TRHDE: variants seen among roughly 807,000 people sequenced by gnomAD.
TRHDE encodes the protein thyrotropin-releasing hormone-degrading ectoenzyme.
TRHDE carries 72 observed loss-of-function variants against 125.7 expected under a neutral mutation model. The observed-to-expected ratio is 0.57, with a 90% CI of 0.47 to 0.70. TRHDE has a LOEUF of 0.70. TRHDE is among the 30% of genes least tolerant of loss of function. TRHDE has a pLI of 0.00. For synonymous variants in TRHDE, 509 were observed against 509.1 expected, an observed-to-expected ratio of 1.00 and a Z score of 0.00; for missense variants, 1,110 against 1,327.1, an observed-to-expected ratio of 0.84 and a Z score of 2.54.
At chr12:72,410,286 T>C (rs1180504704) in intron 3 of TRHDE, among the ~76,000 whole-genome samples, 1 of 152,030 alleles carries the variant, frequency 6.6e-6, no homozygotes, top group Non-Finnish European at 1.5e-5. Context: ...GAACTCTGAG[T>C]TGAACTGGCT....
chr12:72,127,960 T>TG (rs1248385081), intron 2 of TRHDE, among the ~76,000 whole-genome samples: 1 of 151,918 alleles, frequency 6.6e-6, no homozygotes, highest in Non-Finnish European at 1.5e-5. Context: ...ACTGAGAATC[T>TG]GGGGGGACTA....
chr12:72,190,503 AT>A (rs1877316633), intron 2 of TRHDE, among the ~76,000 whole-genome samples: 5 of 152,236 alleles, frequency 3.3e-5, no homozygotes, highest in Admixed American at 2.6e-4. Context: ...GTACCAATTC[AT>A]GGAAAGAAGC....
intron 3 of TRHDE, among the ~76,000 whole-genome samples, chr12:72,404,765 A>G (rs1403283291): frequency 6.6e-6 from 1 of 152,182 alleles, no homozygotes; most frequent in African/African-American, 2.4e-5. Flanking sequence ...ACAATTCAAT[A>G]TGAGATTTGG....
chr12:72,369,268 G>A (rs1871468464), intron 2 of TRHDE, among the ~76,000 whole-genome samples: 1 of 152,126 alleles, frequency 6.6e-6, no homozygotes, highest in Non-Finnish European at 1.5e-5. Context: ...TTGCTATGAT[G>A]TATTACCACC....
At chr12:72,501,723 T>A (rs1042444620) in intron 6 of TRHDE, among the ~76,000 whole-genome samples, 1 of 152,220 alleles carries the variant, frequency 6.6e-6, no homozygotes, top group South Asian at 2.1e-4. Flanking sequence ...ATTATCTTTT[T>A]CAACTTTCTC....
At position 72,670,270 on chromosome 12, in the gene TRHDE, G is replaced by T. The variant is rs1245971541; in HGVS notation, c.*7075G>T. 6.6e-6 allele frequency: 1 copy of T among 151,680 alleles called. No individual in the cohort carries two copies. The highest frequency in any genetic ancestry group is 2.4e-5 in the African/African-American group (1 of 41,366). The allele number at this position is 151,680 out of a possible 1,614,324, so 9.4% of individuals were successfully genotyped here. ...TAAATAACCTTTTGTTAGTTTAGCA[G>T]ATAAATGTTTTCAATGTATGCCTTT... On this transcript the variant is annotated 3_prime_UTR_variant, in exon 19 of 19. Coordinates refer to ENST00000261180, the MANE Select transcript of TRHDE (RefSeq NM_013381.3).
intron 5 of TRHDE, 123 bp from the exon 6 acceptor site, chr12:72,499,375 G>T: frequency 7.9e-7 from 1 of 1,262,504 alleles, no homozygotes; most frequent in African/African-American, 1.5e-5. Flanking sequence ...CTTTAGAGTT[G>T]AGTCATGCCT....
At chr12:72,609,591 T>G (rs911074919) in intron 12 of TRHDE, among the ~76,000 whole-genome samples, 5 of 152,188 alleles carry the variant, frequency 3.3e-5, no homozygotes, top group Non-Finnish European at 5.9e-5. Flanking sequence ...AGGTTGTTTT[T>G]CAAACTTCAA....
chr12:72,475,404 T>C (rs908806460), intron 5 of TRHDE, among the ~76,000 whole-genome samples: 2 of 152,200 alleles, frequency 1.3e-5, no homozygotes, highest in African/African-American at 2.4e-5. Flanking sequence ...GATAAAATTC[T>C]TTCTATTCAC....
chr12:72,498,504 C>T (rs1174008672), intron 5 of TRHDE, among the ~76,000 whole-genome samples: 2 of 152,112 alleles, frequency 1.3e-5, no homozygotes, highest in Non-Finnish European at 2.9e-5. Context: ...TGTAATGATA[C>T]TCCTTAGGTC....
intron 3 of TRHDE, among the ~76,000 whole-genome samples, chr12:72,443,362 A>G (rs942020715): frequency 6.6e-6 from 1 of 151,744 alleles, no homozygotes; most frequent in Admixed American, 6.6e-5. Flanking sequence ...TGATTGAATT[A>G]GATGCTCTCT....
chr12:72,498,840 A>G (rs1212558318), intron 5 of TRHDE, among the ~76,000 whole-genome samples: 1 of 152,162 alleles, frequency 6.6e-6, no homozygotes, highest in Non-Finnish European at 1.5e-5. Context: ...ATTAATACCT[A>G]TTGATCTCTA....
At chr12:72,278,053 A>G (rs1439256038) in intron 1 of TRHDE, among the ~76,000 whole-genome samples, 1 of 152,022 alleles carries the variant, frequency 6.6e-6, no homozygotes, top group Non-Finnish European at 1.5e-5. Context: ...CCTTTTTTCT[A>G]AGTAATTATA....
intron 2 of TRHDE, among the ~76,000 whole-genome samples, chr12:72,214,182 T>C (rs1165847055): frequency 1.3e-5 from 2 of 152,086 alleles, no homozygotes; most frequent in Non-Finnish European, 2.9e-5. Flanking sequence ...GGCACGAAGG[T>C]CTCCTAAATT....
chr12:72,334,559 G>C (rs1207405512), intron 2 of TRHDE, among the ~76,000 whole-genome samples: 1 of 152,188 alleles, frequency 6.6e-6, no homozygotes, highest in Non-Finnish European at 1.5e-5. Flanking sequence ...ATGCCCAGCT[G>C]TCTGATCTGC....
chr12:72,250,837 G>GATAT (rs376713479), intron 2 of TRHDE, among the ~76,000 whole-genome samples: 5,226 of 117,838 alleles, frequency 0.044, 295 homozygotes, highest in African/African-American at 0.099. Context: ...ATGACTTACA[G>GATAT]ATATATATAT....
chr12:72,490,457 T>G (rs1413872741), intron 5 of TRHDE, among the ~76,000 whole-genome samples: 1 of 151,746 alleles, frequency 6.6e-6, no homozygotes, highest in Non-Finnish European at 1.5e-5. Flanking sequence ...GACCCAGCAA[T>G]CCCTCTTCTG....
intron 12 of TRHDE, among the ~76,000 whole-genome samples, chr12:72,609,791 T>C (rs1015187259): frequency 6.6e-6 from 1 of 152,216 alleles, no homozygotes; most frequent in Non-Finnish European, 1.5e-5. Flanking sequence ...AAATCAGCCA[T>C]ATAGGAAGTT....
At chr12:72,192,581 A>C (rs1490215820) in intron 2 of TRHDE, among the ~76,000 whole-genome samples, 1 of 152,106 alleles carries the variant, frequency 6.6e-6, no homozygotes, top group African/African-American at 2.4e-5. Context: ...CTACATTACA[A>C]AGCAGAATCT....
Sources: gnomAD v4.1 joint callset for allele counts (sites outside exome capture counted in the v4.1 genomes callset) on GRCh38, gnomAD v4.1.1 for gene constraint, MANE v1.5 for transcripts, NCBI Gene and HGNC (gene_info 2026-07-23, HGNC 2026-07-21) for gene names.